Variants in KCNH5 observed in about 807,000 individuals in gnomAD.
The protein encoded by KCNH5 is voltage-gated delayed rectifier potassium channel KCNH5.
KCNH5 carries 46 observed loss-of-function variants against 96.1 expected under a neutral mutation model. That is an observed-to-expected ratio of 0.48 (90% CI 0.38 to 0.61). KCNH5 has a LOEUF of 0.61. KCNH5 is among the 20% of genes least tolerant of loss of function. The pLI, the probability that KCNH5 is intolerant of heterozygous loss-of-function variation, is 0.00. For missense variants in KCNH5, 907 were observed against 1,225.8 expected (o/e 0.74, Z 3.88); for synonymous variants, 439 against 449.8 (o/e 0.98, Z 0.30).
At chr14:62,776,789 C>T (rs543662968) in intron 10 of KCNH5, among the ~76,000 whole-genome samples, 12 of 152,260 alleles carry the variant, frequency 7.9e-5, no homozygotes, top group Non-Finnish European at 1.0e-4. Context: ...GAGCTATATT[C>T]GCACAGTAAG....
intron 4 of KCNH5, among the ~76,000 whole-genome samples, chr14:62,993,336 C>A (rs1174763607): frequency 6.6e-6 from 1 of 151,908 alleles, no homozygotes; most frequent in Non-Finnish European, 1.5e-5. Flanking sequence ...AATTATTTTT[C>A]TAATTCTGTA....
chr14:62,870,651 G>A (rs1888235512), intron 7 of KCNH5, among the ~76,000 whole-genome samples: 1 of 152,058 alleles, frequency 6.6e-6, no homozygotes, highest in Non-Finnish European at 1.5e-5. Context: ...ATAATGCATG[G>A]AAACCTTTAA....
chr14:62,851,024 A>C (rs1318527995), intron 7 of KCNH5, among the ~76,000 whole-genome samples: 3 of 152,198 alleles, frequency 2.0e-5, no homozygotes, highest in African/African-American at 7.2e-5. Context: ...TAGTGAAGCA[A>C]CTTAAGATCT....
intron 9 of KCNH5, among the ~76,000 whole-genome samples, chr14:62,796,414 C>T (rs1210767586): frequency 6.6e-6 from 1 of 152,144 alleles, no homozygotes; most frequent in Non-Finnish European, 1.5e-5. Context: ...TTATTCCTGT[C>T]CTCATTTATG....
chr14:62,936,840 G>A (rs1280446337), intron 7 of KCNH5, among the ~76,000 whole-genome samples: 2 of 151,900 alleles, frequency 1.3e-5, no homozygotes, highest in African/African-American at 4.8e-5. Context: ...CATTAGCCAG[G>A]CGTGGTGGCA....
At chr14:62,790,669 A>G (rs1438082258) in intron 9 of KCNH5, among the ~76,000 whole-genome samples, 1 of 147,780 alleles carries the variant, frequency 6.8e-6, no homozygotes, top group African/African-American at 2.5e-5. Context: ...TCAGTGCTTT[A>G]TAGTTTTCTG....
At chr14:62,710,422 C>CT (rs1487924711) in intron 10 of KCNH5, among the ~76,000 whole-genome samples, 1 of 152,176 alleles carries the variant, frequency 6.6e-6, no homozygotes, top group Non-Finnish European at 1.5e-5. Context: ...TGACACAATT[C>CT]TTATGCTTCC....
At chr14:62,844,094 T>C (rs753190082) in intron 8 of KCNH5, among the ~76,000 whole-genome samples, 2 of 152,220 alleles carry the variant, frequency 1.3e-5, no homozygotes, top group African/African-American at 2.4e-5. Context: ...GGCATACTCC[T>C]ACCTGATTTT....
intron 6 of KCNH5, among the ~76,000 whole-genome samples, chr14:62,967,026 T>G (rs1424531904): frequency 6.6e-6 from 1 of 152,126 alleles, no homozygotes; most frequent in African/African-American, 2.4e-5. Flanking sequence ...TGGTAATGTT[T>G]GGGGATGTAG....
chr14:62,893,554 G>C (rs554275001), intron 7 of KCNH5, among the ~76,000 whole-genome samples: 25 of 152,176 alleles, frequency 1.6e-4, no homozygotes, highest in Non-Finnish European at 2.6e-4. Context: ...TCAGGAGTTT[G>C]TGACCAGTCT....
intron 7 of KCNH5, among the ~76,000 whole-genome samples, chr14:62,887,018 CTATCTT>C (rs1888611705): frequency 6.6e-6 from 1 of 152,302 alleles, no homozygotes; most frequent in African/African-American, 2.4e-5. Flanking sequence ...ACTTAATCCT[CTATCTT>C]TGACAATGGC....
intron 8 of KCNH5, among the ~76,000 whole-genome samples, chr14:62,814,782 C>CAAAAAG (rs772584111): frequency 1.2e-4 from 4 of 33,750 alleles, no homozygotes; most frequent in African/African-American, 6.1e-4. Context: ...GACTCCATCT[C>CAAAAAG]AAAAAAAAAA....
chr14:62,778,306 A>G (rs980980148), intron 10 of KCNH5, among the ~76,000 whole-genome samples: 1 of 151,428 alleles, frequency 6.6e-6, no homozygotes, highest in African/African-American at 2.4e-5. Flanking sequence ...ACAAGTTTCA[A>G]ATAACACAAA....
At chr14:62,843,410 CTTTTT>C (rs570775868) in intron 8 of KCNH5, among the ~76,000 whole-genome samples, 5 of 111,964 alleles carry the variant, frequency 4.5e-5, no homozygotes, top group Admixed American at 9.4e-5. Context: ...ATTTACATGG[CTTTTT>C]TTTTTTTTTT....
In KCNH5 at chr14:62,877,547, C is replaced by T. The variant is rs187705041; in HGVS notation, c.1370-27695G>A. On this transcript the variant is annotated intron_variant, in intron 7 of 10. Coordinates refer to ENST00000322893, the MANE Select transcript of KCNH5 (RefSeq NM_139318.5). ...CAAGTGGGCGAAGGACATGAACAGA[C>T]ATTTCTCAAAACAAGACATTTATGC... 5.4e-3 allele frequency among the ~76,000 whole-genome samples: 818 copies of T among 152,324 alleles called. 5 individuals are homozygous for T. Among genetic ancestry groups the T allele is most frequent in the Non-Finnish European group, 8.6e-3 (582 of 68,028 alleles).
chr14:62,707,941 T>C lies in KCNH5; in HGVS notation c.2534A>G (p.Lys845Arg), dbSNP rs1189342324. ...ESMGLLSEDP[K>R]SSDSENSVTK... ...CACACTGTTCTCTGAATCACTGCTC[T>C]TGGGGTCCTCAGACAATAGCCCCAT... Residue 845 changes from lysine to arginine, a missense_variant, in exon 11 of 11, where the codon AAG becomes AGG. Physicochemically the swap from Lys to Arg is conservative, Grantham distance 26. This residue lies in a region of KCNH5 where 362 missense variants were observed against 394.4 expected (regional missense o/e 0.92). Transcript: ENST00000322893. The C allele has an allele frequency of 1.2e-5, 19 of 1,614,120 alleles. No individual in the cohort carries two copies. The Admixed American group carries it at 2.8e-4, about 24-fold the overall frequency.
chr14:62,797,463 G>A (rs1436643025), intron 9 of KCNH5, among the ~76,000 whole-genome samples: 1 of 152,052 alleles, frequency 6.6e-6, no homozygotes, highest in Admixed American at 6.6e-5. Flanking sequence ...AGAAGTATGG[G>A]TGCAAAAGAA....
At chr14:63,015,741 A>G (rs1469919905) in intron 2 of KCNH5, among the ~76,000 whole-genome samples, 1 of 151,922 alleles carries the variant, frequency 6.6e-6, no homozygotes, top group Non-Finnish European at 1.5e-5. Context: ...CCACATATAT[A>G]AAAAGTCAGC....
intron 7 of KCNH5, among the ~76,000 whole-genome samples, chr14:62,908,695 C>T (rs530897855): frequency 8.0e-5 from 12 of 150,320 alleles, no homozygotes; most frequent in South Asian, 4.2e-4. Context: ...TGTGTGACTT[C>T]GCTGTGAAAG....
Sources: allele counts gnomAD v4.1 joint callset (sites outside exome capture counted in the v4.1 genomes callset), GRCh38; gene constraint gnomAD v4.1.1; regional missense constraint gnomAD v4.1.1; transcripts MANE v1.5; gene names NCBI Gene and HGNC (gene_info 2026-07-23, HGNC 2026-07-21).